The following RYR2 variants were observed in gnomAD, a reference collection of about 807,000 sequenced individuals.
RYR2 encodes the protein cardiac muscle ryanodine receptor-calcium release channel.
RYR2 carries 227 observed loss-of-function variants against 601.1 expected under a neutral mutation model. The observed-to-expected ratio is 0.38, with a 90% CI of 0.34 to 0.42. RYR2 has a LOEUF of 0.42. Among genes scored for constraint, RYR2 ranks in the 10% least tolerant of loss-of-function variants. The probability of loss-of-function intolerance (pLI) is 1.00; values close to 1 mark genes in which losing one functional copy is unlikely to be tolerated. For synonymous variants in RYR2, 2,223 were observed against 2,175.1 expected, an observed-to-expected ratio of 1.02 and a Z score of -0.61; for missense variants, 4,646 against 6,156.5, an observed-to-expected ratio of 0.75 and a Z score of 8.21.
chr1:237,708,108 A>G (rs1054530531), intron 68 of RYR2, among the ~76,000 whole-genome samples: 1 of 152,120 alleles, frequency 6.6e-6, no homozygotes, highest in African/African-American at 2.4e-5. Context: ...AGTTTCAACA[A>G]TATTTTATGC....
intron 1 of RYR2, among the ~76,000 whole-genome samples, chr1:237,056,694 C>A (rs1269710842): frequency 5.8e-5 from 7 of 121,356 alleles, no homozygotes; most frequent in African/African-American, 1.6e-4. Flanking sequence ...GAGCACTGCA[C>A]CTGTGAGGAC....
intron 74 of RYR2, among the ~76,000 whole-genome samples, chr1:237,725,337 T>C (rs569150860): frequency 6.6e-6 from 1 of 152,256 alleles, no homozygotes; most frequent in Non-Finnish European, 1.5e-5. Context: ...TCGTGTTTAA[T>C]TTATGCCTTT....
chr1:237,816,765 A>T (rs1661889157), intron 100 of RYR2, among the ~76,000 whole-genome samples: 1 of 152,162 alleles, frequency 6.6e-6, no homozygotes, highest in Non-Finnish European at 1.5e-5. Context: ...ACAAATTCAA[A>T]CAGTATGCCT....
In RYR2 at chr1:237,634,888, G is replaced by A. The variant is rs794728822; in HGVS notation, c.6689-1G>A. 6.2e-7 allele frequency: 1 copy of A among 1,600,218 alleles called. No homozygotes were observed. Among genetic ancestry groups the A allele is most frequent in the Non-Finnish European group, 8.5e-7 (1 of 1,172,590 alleles). On this transcript the variant is annotated splice_acceptor_variant, in intron 43 of 104. Transcript: ENST00000366574. LOFTEE classifies it high-confidence loss of function. ...TATTTCATCTTCATTTGAATTAATA[G>A]CCTCCCCAGCTATGAGAGGTTCAAC...
intron 21 of RYR2, among the ~76,000 whole-genome samples, chr1:237,502,430 C>T (rs1017516992): frequency 2.6e-5 from 4 of 152,102 alleles, no homozygotes; most frequent in Non-Finnish European, 5.9e-5. Context: ...AGTCCCCAAC[C>T]TTTTTGGCCT....
At chr1:237,505,345 T>C (rs1297159681) in intron 22 of RYR2, among the ~76,000 whole-genome samples, 1 of 152,226 alleles carries the variant, frequency 6.6e-6, no homozygotes, top group Non-Finnish European at 1.5e-5. Context: ...TGTTTAGATA[T>C]TCAAAGTTTG....
chr1:237,195,333 A>T (rs1680434597), intron 1 of RYR2, among the ~76,000 whole-genome samples: 2 of 152,204 alleles, frequency 1.3e-5, no homozygotes, highest in African/African-American at 2.4e-5. Context: ...GGTTCACCAC[A>T]ACATCCGCCT....
chr1:237,670,579 A>T (rs965954561), intron 58 of RYR2, among the ~76,000 whole-genome samples: 4 of 152,164 alleles, frequency 2.6e-5, no homozygotes, highest in Non-Finnish European at 4.4e-5. Flanking sequence ...AAACAAAATC[A>T]CTGCTTATTA....
At position 237,664,319 on chromosome 1, in the gene RYR2, T is replaced by C. The variant is rs992941163; in HGVS notation, c.8437-2193T>C. Among the ~76,000 whole-genome samples the C allele has an allele frequency of 2.6e-5, 4 of 152,196 alleles. No homozygotes were observed. The East Asian group carries it at 7.7e-4, about 29-fold the overall frequency. Reference sequence around the variant, plus strand: ...TTATGTATGCTGCATTGTTCTAAGCTTTTCAAATAGATCAGTGATGAAATG... The same window carrying C: ...TTATGTATGCTGCATTGTTCTAAGCCTTTCAAATAGATCAGTGATGAAATG... On this transcript the variant is annotated intron_variant, in intron 56 of 104. Transcript: ENST00000366574.
intron 1 of RYR2, among the ~76,000 whole-genome samples, chr1:237,224,874 A>C (rs887766213): frequency 6.6e-6 from 1 of 152,172 alleles, no homozygotes; most frequent in Admixed American, 6.6e-5. Flanking sequence ...AAAAAAAATT[A>C]TAAGTTACTA....
At chr1:237,176,272 G>T (rs1259350146) in intron 1 of RYR2, among the ~76,000 whole-genome samples, 1 of 48,288 alleles carries the variant, frequency 2.1e-5, no homozygotes, top group Non-Finnish European at 8.2e-5. Flanking sequence ...TATAAAAAAT[G>T]AAATATATAA....
At chr1:237,778,150 A>G (rs907912549) in intron 87 of RYR2, among the ~76,000 whole-genome samples, 3 of 152,182 alleles carry the variant, frequency 2.0e-5, no homozygotes, top group African/African-American at 7.2e-5. Context: ...CTTTTAAAAC[A>G]CGTCATTGGT....
At chr1:237,593,384 A>G in intron 32 of RYR2, 92 bp from the exon 33 acceptor site, 1 of 1,271,336 alleles carries the variant, frequency 7.9e-7, no homozygotes, top group South Asian at 1.8e-5. Flanking sequence ...TTCTTAAGTC[A>G]TTCACAGACT....
chr1:237,196,266 G>C (rs1196915769), intron 1 of RYR2, among the ~76,000 whole-genome samples: 1 of 151,956 alleles, frequency 6.6e-6, no homozygotes, highest in African/African-American at 2.4e-5. Context: ...GGATAACTTG[G>C]GTAGAACATG....
intron 66 of RYR2, 118 bp downstream of exon 66, chr1:237,702,177 C>T (rs1338388975): frequency 6.5e-6 from 4 of 615,188 alleles, no homozygotes; most frequent in African/African-American, 1.9e-5. Context: ...CCGGATTGAC[C>T]TTTGAAATTC....
At position 237,062,459 on chromosome 1, in the gene RYR2, G is replaced by T. The variant is rs193057256; in HGVS notation, c.48+19890G>T. ...CCATGAAAGACTTTGCACATTTTGG[G>T]GGTCAGATTTATTTCTAGGTATTTG... On this transcript the variant is annotated intron_variant, in intron 1 of 104. Coordinates refer to ENST00000366574, the MANE Select transcript of RYR2 (RefSeq NM_001035.3). 2.1e-3 allele frequency among the ~76,000 whole-genome samples: 318 copies of T among 152,072 alleles called. 1 individual carries two copies. Among genetic ancestry groups the T allele is most frequent in the African/African-American group, 7.4e-3 (307 of 41,490 alleles).
chr1:237,708,963 A>C lies in RYR2; in HGVS notation c.10007A>C (p.Glu3336Ala), dbSNP rs768065970. Residue 3336 changes from glutamate (E) to alanine (A), a missense_variant, in exon 69 of 105, where the codon GAG (glutamate) becomes GCG (alanine). Coordinates refer to ENST00000366574, the MANE Select transcript of RYR2 (RefSeq NM_001035.3). ...LKKKAATVVSEEDHLKAEARG... is the reference protein window; with the variant it reads ...LKKKAATVVSAEDHLKAEARG... ...AAAAAGGCAGCTACGGTGGTGTCTG[A>C]GGAAGACCACCTGAAAGCTGAGGCC... 6.2e-7 allele frequency: 1 copy of C among 1,613,674 alleles called. No individual in the cohort carries two copies. Among genetic ancestry groups the C allele is most frequent in the East Asian group, 2.2e-5 (1 of 44,866 alleles).
chr1:237,135,083 A>T (rs1209943275), intron 1 of RYR2, among the ~76,000 whole-genome samples: 1 of 152,204 alleles, frequency 6.6e-6, no homozygotes, highest in African/African-American at 2.4e-5. Flanking sequence ...TTTGCAACAT[A>T]TTTAGTATGC....
At chr1:237,424,157 G>T (rs1266381743) in intron 12 of RYR2, among the ~76,000 whole-genome samples, 1 of 152,018 alleles carries the variant, frequency 6.6e-6, no homozygotes, top group Non-Finnish European at 1.5e-5. Flanking sequence ...ATTTGGGTGG[G>T]GACACAGAGC....
Sources: gnomAD v4.1 joint callset for allele counts (sites outside exome capture counted in the v4.1 genomes callset) on GRCh38, gnomAD v4.1.1 for gene constraint, MANE v1.5 for transcripts, NCBI Gene and HGNC (gene_info 2026-07-23, HGNC 2026-07-21) for gene names.